Variants in IL1RAPL2 observed in about 807,000 individuals in gnomAD.
IL1RAPL2 encodes the protein X-linked interleukin-1 receptor accessory protein-like 2.
A neutral mutation model predicts 44.1 loss-of-function variants in IL1RAPL2; 3 were observed. The observed-to-expected ratio is 0.07, with a 90% CI of 0.03 to 0.18. The LOEUF (loss-of-function observed/expected upper bound fraction) is 0.18, where lower values mean the gene tolerates loss of function less well. Ranked by LOEUF, IL1RAPL2 falls within the 10% of genes least tolerant of loss-of-function variation. IL1RAPL2 has a pLI of 1.00. For missense variants in IL1RAPL2, 391 were observed against 496.4 expected, an observed-to-expected ratio of 0.79 and a Z score of 2.02; for synonymous variants, 181 against 178.8, an observed-to-expected ratio of 1.01 and a Z score of -0.10.
chrX:104,714,800 TG>T (rs1931525855), intron 2 of IL1RAPL2, among the ~76,000 whole-genome samples: 1 of 111,435 alleles, frequency 9.0e-6, no homozygotes, highest in Non-Finnish European at 1.9e-5. Flanking sequence ...TTGCATATGT[TG>T]AACAAAGCTT....
At chrX:104,860,771 C>G (rs1922471213) in intron 2 of IL1RAPL2, among the ~76,000 whole-genome samples, 1 of 110,594 alleles carries the variant, frequency 9.0e-6, no homozygotes, top group South Asian at 3.8e-4. Context: ...TTGTATATGA[C>G]TACGAAATAA....
intron 2 of IL1RAPL2, among the ~76,000 whole-genome samples, chrX:104,979,548 AT>A (rs758763098): frequency 8.9e-6 from 1 of 112,321 alleles, no homozygotes; most frequent in Non-Finnish European, 1.9e-5. Context: ...ATAATTTATT[AT>A]GAATCAGTAC....
At chrX:105,077,485 T>G (rs938146503) in intron 2 of IL1RAPL2, among the ~76,000 whole-genome samples, 2 of 111,570 alleles carry the variant, frequency 1.8e-5, no homozygotes, top group African/African-American at 6.5e-5. Flanking sequence ...CATTTTTTCC[T>G]TCATTTCAAC....
chrX:105,636,031 A>G (rs1035832152), intron 6 of IL1RAPL2, among the ~76,000 whole-genome samples: 4 of 110,970 alleles, frequency 3.6e-5, no homozygotes, highest in African/African-American at 1.3e-4. Flanking sequence ...CTGAGGGGAC[A>G]GAAGAGTCAA....
intron 2 of IL1RAPL2, among the ~76,000 whole-genome samples, chrX:105,120,762 A>G (rs1259579848): frequency 8.9e-6 from 1 of 112,195 alleles, no homozygotes; most frequent in Non-Finnish European, 1.9e-5. Flanking sequence ...TACCGTGTCT[A>G]TGCAGAATTG....
At chrX:105,592,403 T>G (rs2037178976) in intron 6 of IL1RAPL2, among the ~76,000 whole-genome samples, 1 of 111,864 alleles carries the variant, frequency 8.9e-6, no homozygotes, top group African/African-American at 3.3e-5. Flanking sequence ...TGCCTTTTGT[T>G]GTGGGGCATT....
chrX:105,759,981 G>A (rs1031187909), intron 10 of IL1RAPL2, among the ~76,000 whole-genome samples: 3 of 111,463 alleles, frequency 2.7e-5, no homozygotes, highest in African/African-American at 9.8e-5. Context: ...TTTGAGGGAG[G>A]GGTGACATGA....
At chrX:105,083,669 T>A (rs79185490) in intron 2 of IL1RAPL2, among the ~76,000 whole-genome samples, 1 of 112,168 alleles carries the variant, frequency 8.9e-6, no homozygotes, top group African/African-American at 3.2e-5. Context: ...ATATTCAACA[T>A]TCTTAAAGAA....
chrX:105,035,445 T>A (rs191455960), intron 2 of IL1RAPL2, among the ~76,000 whole-genome samples: 5 of 112,300 alleles, frequency 4.5e-5, no homozygotes, highest in Middle Eastern at 4.6e-3. Flanking sequence ...CTGTGACACA[T>A]CTAATTATTC....
At chrX:105,085,809 T>C (rs2032472453) in intron 2 of IL1RAPL2, among the ~76,000 whole-genome samples, 2 of 111,983 alleles carry the variant, frequency 1.8e-5, no homozygotes, top group African/African-American at 6.5e-5. Context: ...ACTGATAACA[T>C]AGTTGTTAAA....
chrX:104,904,900 C>A lies in IL1RAPL2; in HGVS notation c.82+245905C>A, dbSNP rs866000439. Among the ~76,000 whole-genome samples, 15 of 111,159 alleles carry A rather than the reference C, an allele frequency of 1.3e-4. 1 individual carries two copies. The highest frequency in any genetic ancestry group is 4.6e-3 in the Middle Eastern group (1 of 217). On this transcript the variant is annotated intron_variant, in intron 2 of 10. Transcript: ENST00000372582. ...CACACTGACTTCCACAATGGTTGAA[C>A]TAGTTTACACTCCCACCAACAGTGT...
chrX:104,806,878 G>A (rs1230216874), intron 2 of IL1RAPL2, among the ~76,000 whole-genome samples: 1 of 111,903 alleles, frequency 8.9e-6, no homozygotes, highest in Admixed American at 9.5e-5. Context: ...CACGTAAAGG[G>A]GTTAGCATAG....
intron 2 of IL1RAPL2, among the ~76,000 whole-genome samples, chrX:105,030,600 T>C (rs1013526086): frequency 1.8e-5 from 2 of 111,891 alleles, no homozygotes; most frequent in African/African-American, 6.5e-5. Context: ...GTTCCATTGA[T>C]CTATATCTCT....
intron 2 of IL1RAPL2, among the ~76,000 whole-genome samples, chrX:104,820,339 T>G (rs1403559197): frequency 8.9e-6 from 1 of 112,135 alleles, no homozygotes. Context: ...TGTATTTGCC[T>G]TACTCTCTAG....
intron 2 of IL1RAPL2, among the ~76,000 whole-genome samples, chrX:104,916,292 G>T: frequency 9.0e-6 from 1 of 111,564 alleles, no homozygotes; most frequent in Non-Finnish European, 1.9e-5. Context: ...CCCATCCCTT[G>T]TAAGTTGGAT....
intron 2 of IL1RAPL2, among the ~76,000 whole-genome samples, chrX:104,940,740 T>C (rs1925146219): frequency 9.1e-6 from 1 of 110,497 alleles, no homozygotes; most frequent in Admixed American, 9.7e-5. Context: ...TATTTTATTT[T>C]ATTATACTTT....
intron 4 of IL1RAPL2, among the ~76,000 whole-genome samples, chrX:105,249,451 A>G (rs1462164603): frequency 9.0e-6 from 1 of 111,555 alleles, no homozygotes; most frequent in Admixed American, 9.5e-5. Flanking sequence ...CAGTGAGTCT[A>G]TAGTCAAAAA....
chrX:105,193,492 A>C (rs2033649444), intron 2 of IL1RAPL2, among the ~76,000 whole-genome samples: 1 of 112,107 alleles, frequency 8.9e-6, no homozygotes, highest in Non-Finnish European at 1.9e-5. Flanking sequence ...TTATAAAAAG[A>C]ATAATATAAA....
chrX:104,741,313 G>A (rs1271762573), intron 2 of IL1RAPL2, among the ~76,000 whole-genome samples: 4 of 110,842 alleles, frequency 3.6e-5, no homozygotes, highest in South Asian at 3.8e-4. Context: ...ACTGCCAACC[G>A]GTCCAGAAAT....
Sources: allele counts gnomAD v4.1 joint callset (sites outside exome capture counted in the v4.1 genomes callset), GRCh38; gene constraint gnomAD v4.1.1; transcripts MANE v1.5; gene names NCBI Gene and HGNC (gene_info 2026-07-23, HGNC 2026-07-21).